The following NLRP6 variants were observed in gnomAD, a reference collection of about 807,000 sequenced individuals.
NLRP6 encodes the protein NLR family pyrin domain containing 6.
NLRP6 carries 55 observed loss-of-function variants against 70.9 expected under a neutral mutation model. The observed-to-expected ratio is 0.78, with a 90% confidence interval of 0.62 to 0.97. The LOEUF is 0.97. NLRP6 is among the 50% of genes least tolerant of loss of function. The pLI, the probability that NLRP6 is intolerant of heterozygous loss-of-function variation, is 0.00. For missense variants in NLRP6, 1,241 were observed against 1,238.3 expected (o/e 1.00, Z -0.03); for synonymous variants, 652 against 581.9 (o/e 1.12, Z -1.73).
chr11:284,780 C>A, intron 7 of NLRP6, 138 bp downstream of exon 7: 1 of 827,966 alleles, frequency 1.2e-6, no homozygotes, highest in Non-Finnish European at 1.9e-6. Flanking sequence ...CAAACACTGA[C>A]CTGGGAGCCC....
Position 278,678 on chromosome 11 carries a change from C to T in NLRP6, c.29+80C>T. Reference sequence around the variant, plus strand: ...GGCCTCCACCTCACCCGCTGACTTCCTCAGGCTCTCCACCCTTGTCCACAT... The same window carrying T: ...GGCCTCCACCTCACCCGCTGACTTCTTCAGGCTCTCCACCCTTGTCCACAT... On this transcript the variant is annotated intron_variant, in intron 1 of 7. Coordinates refer to ENST00000534750, the MANE Select transcript of NLRP6 (RefSeq NM_001276700.2). The surrounding 1 kb of genome is among the most constrained non-coding windows in gnomAD (Gnocchi z 4.7). 8.7e-7 allele frequency: 1 copy of T among 1,145,376 alleles called. No individual in the cohort carries two copies. The highest frequency in any genetic ancestry group is 1.2e-6 in the Non-Finnish European group (1 of 805,700). 71.0% of individuals were successfully genotyped at this position (1,145,376 alleles called of 1,614,324 possible).
At position 282,813 on chromosome 11, in the gene NLRP6, C is replaced by T. The variant is rs12365552; in HGVS notation, c.2198+16C>T. On this transcript the variant is annotated intron_variant, in intron 5 of 7. Transcript: ENST00000534750. Reference sequence around the variant, plus strand: ...GCAGCCTCACGTGAGTGGCCACACCCCCAGCTCTTCCCACGGAGCGGGCTG... The same window carrying T: ...GCAGCCTCACGTGAGTGGCCACACCTCCAGCTCTTCCCACGGAGCGGGCTG... 3.5e-3 allele frequency: 5,537 copies of T among 1,562,830 alleles called. 12 individuals are homozygous for T. The highest frequency in any genetic ancestry group is 4.6e-3 in the Non-Finnish European group (5,190 of 1,133,576).
At position 279,618 on chromosome 11, in the gene NLRP6, C is replaced by T; in HGVS notation, c.310+11C>T. On this transcript the variant is annotated intron_variant, in intron 2 of 7. Coordinates refer to ENST00000534750, the MANE Select transcript of NLRP6 (RefSeq NM_001276700.2). Reference sequence around the variant, plus strand: ...AGCGGCGGCTGCAGCGTGAGTTCTGCGCGGGAGGTCCCTCCTGTCTGGGCA... The same window carrying T: ...AGCGGCGGCTGCAGCGTGAGTTCTGTGCGGGAGGTCCCTCCTGTCTGGGCA... The T allele has an allele frequency of 2.2e-6, 3 of 1,393,428 alleles. No individual in the cohort carries two copies. The South Asian group carries it at 4.7e-5, about 22-fold the overall frequency. The allele number at this position is 1,393,428 out of a possible 1,614,324, so 86.3% of individuals were successfully genotyped here. A position where few individuals can be genotyped will look rare whatever the true frequency, so the allele number is the denominator to read the frequency against.
chr11:282,940 C>T (rs573279149), intron 5 of NLRP6, 143 bp downstream of exon 5: 8 of 693,420 alleles, frequency 1.2e-5, no homozygotes, highest in Non-Finnish European at 1.8e-5. Context: ...ATGGCAGGCT[C>T]TGCCCACACA....
Position 282,893 on chromosome 11 carries a change from G to T in NLRP6, c.2198+96G>T, listed in dbSNP as rs1845499090. 9.9e-6 allele frequency: 9 copies of T among 907,642 alleles called. No homozygotes were observed. The Admixed American group carries it at 1.1e-4, about 11-fold the overall frequency. The allele number at this position is 907,642 out of a possible 1,614,324, so 56.2% of individuals were successfully genotyped here. A position where few individuals can be genotyped will look rare whatever the true frequency, so the allele number is the denominator to read the frequency against. ...GTATGACCTAGGAAAGAAGGCTGAGGGGTCAGACCAGAGCCTGAGGCCTGT... is the reference window on the plus strand; with the variant it reads ...GTATGACCTAGGAAAGAAGGCTGAGTGGTCAGACCAGAGCCTGAGGCCTGT... On this transcript the variant is annotated intron_variant, in intron 5 of 7. Coordinates refer to ENST00000534750, the MANE Select transcript of NLRP6 (RefSeq NM_001276700.2).
chr11:279,002 C>A, intron 1 of NLRP6: 1 of 353,052 alleles, frequency 2.8e-6, no homozygotes, highest in Non-Finnish European at 5.1e-6. Flanking sequence ...GTGACCTGTC[C>A]TGGGGTGTGG....
rs750292480 is a variant in NLRP6 at position 280,672 on chromosome 11, G to A, written c.938G>A (p.Ser313Asn). ...GCGCGGGTGCTAGGCGGGCTGCTGA[G>A]CAAGGCGCTGCTGCCCACGGCCCTC... is the stretch of plus-strand genomic sequence containing the variant. ...SGARVLGGLL[S>N]KALLPTALLL... Residue 313 changes from serine (S) to asparagine (N), a missense_variant, in exon 4 of 8, where the codon AGC (serine) becomes AAC (asparagine). By Grantham distance (46) the Ser-to-Asn change is conservative (BLOSUM62 1). Coordinates refer to ENST00000534750, the MANE Select transcript of NLRP6 (RefSeq NM_001276700.2). The A allele has an allele frequency of 1.7e-5, 27 of 1,550,168 alleles. No individual in the cohort carries two copies. In the South Asian group the frequency reaches 3.0e-4, roughly 17 times the overall value.
Position 280,814 on chromosome 11 carries a change from G to C in NLRP6, c.1080G>C (p.Lys360Asn). The C allele has an allele frequency of 6.2e-7, 1 of 1,612,966 alleles. No individual in the cohort carries two copies. The highest frequency in any genetic ancestry group is 8.5e-7 in the Non-Finnish European group (1 of 1,179,840). ...SDKDKKKYFY[K>N]YFRDERRAER... ...AGGACAAGAAGAAGTATTTCTACAAGTATTTCCGGGATGAGAGGAGGGCCG... is the reference window on the plus strand; with the variant it reads ...AGGACAAGAAGAAGTATTTCTACAACTATTTCCGGGATGAGAGGAGGGCCG... The change falls in exon 4 of 8, where the codon AAG becomes AAC. Residue 360 changes from lysine (K) to asparagine (N), a missense_variant. Physicochemically the swap from Lys to Asn is moderately conservative, Grantham distance 94 (BLOSUM62 0). Coordinates refer to ENST00000534750, the MANE Select transcript of NLRP6 (RefSeq NM_001276700.2).
In NLRP6 at chr11:281,822, C is replaced by G. The variant is rs1845484710; in HGVS notation, c.2088C>G (p.Ala696=). ...AGAGCCTGGGGAAGCGGCTCCAGGC[C>G]AGCCTGGGTGGCGGCAGGTGCGTCT... The part of the protein sequence containing the change: ...KKKSLGKRLQ[A]SLGGGSSQGT... Residue 696 remains alanine (A), a synonymous_variant, in exon 4 of 8, where the codon GCC becomes GCG. Coordinates refer to ENST00000534750, the MANE Select transcript of NLRP6 (RefSeq NM_001276700.2). 6.3e-7 allele frequency: 1 copy of G among 1,580,998 alleles called. No homozygotes were observed. Among genetic ancestry groups the G allele is most frequent in the Non-Finnish European group, 8.6e-7 (1 of 1,167,814 alleles).
chr11:278,752 C>T lies in NLRP6; in HGVS notation c.29+154C>T, dbSNP rs138362284. On this transcript the variant is annotated intron_variant, in intron 1 of 7. Transcript: ENST00000534750. This position sits in a 1 kb window ranked among gnomAD's most constrained non-coding sequence, Gnocchi z 4.7. ...GCTCAGGAGCCAAGCACTGCCTCCCCACAGAGGGCATTTGTGGAGTCTGTT... is the reference window on the plus strand; with the variant it reads ...GCTCAGGAGCCAAGCACTGCCTCCCTACAGAGGGCATTTGTGGAGTCTGTT... Among the ~76,000 whole-genome samples, 480 of 152,328 alleles carry T rather than the reference C, an allele frequency of 3.2e-3. 1 individual carries two copies. The highest frequency in any genetic ancestry group is 0.011 in the African/African-American group (448 of 41,568).
chr11:282,788 GC>G lies in NLRP6; in HGVS notation c.2190del (p.Ser730ArgfsTer22). Reference sequence around the variant, plus strand: ...ATGACTGACCCACTGTGCCATCTGAGCAGCCTCACGTGAGTGGCCACACCCC... The same window carrying G: ...ATGACTGACCCACTGTGCCATCTGAGAGCCTCACGTGAGTGGCCACACCCC... ...QAMTDPLCHL[S>X]SLTLSHCKLP... is the part of the protein sequence containing the mutation. On this transcript the variant is annotated frameshift_variant, in exon 5 of 8. Coordinates refer to ENST00000534750, the MANE Select transcript of NLRP6 (RefSeq NM_001276700.2). LOFTEE classifies it high-confidence loss of function. 1.9e-6 allele frequency: 3 copies of G among 1,612,332 alleles called. No individual in the cohort carries two copies. Among genetic ancestry groups the G allele is most frequent in the Non-Finnish European group, 2.5e-6 (3 of 1,178,402 alleles).
chr11:285,337 T>C lies in NLRP6; in HGVS notation c.*33T>C, dbSNP rs201286420. The C allele has an allele frequency of 1.3e-5, 20 of 1,599,010 alleles. No individual in the cohort carries two copies. The East Asian group carries it at 3.6e-4, about 29-fold the overall frequency. ...GTGGCCAGAGCAGGGTGGAAGACCC[T>C]AGTCAAAGTCCCTGTGGAGAGAACG... is the stretch of plus-strand genomic sequence containing the variant. On this transcript the variant is annotated 3_prime_UTR_variant, in exon 8 of 8. Transcript: ENST00000534750.
chr11:280,220 G>T lies in NLRP6; in HGVS notation c.486G>T (p.Ala162=), dbSNP rs768137851. ...CCGAGAGCGCCGCCCCGGAGGAGGCGATGGGGCCCGCGGAAGAGCCTGAGC... is the reference window on the plus strand; with the variant it reads ...CCGAGAGCGCCGCCCCGGAGGAGGCTATGGGGCCCGCGGAAGAGCCTGAGC... ...IAPESAAPEE[A]MGPAEEPEPG... Residue 162 remains alanine, a synonymous_variant, in exon 4 of 8, where the codon GCG becomes GCT. Coordinates refer to ENST00000534750, the MANE Select transcript of NLRP6 (RefSeq NM_001276700.2). 1.3e-6 allele frequency: 2 copies of T among 1,545,618 alleles called. No individual in the cohort carries two copies. Among genetic ancestry groups the T allele is most frequent in the South Asian group, 1.2e-5 (1 of 83,870 alleles).
Position 281,575 on chromosome 11 carries a change from A to G in NLRP6, c.1841A>G (p.Glu614Gly). ...CCAGAGGAGGAGGAGGAGGGAGAGG[A>G]GCCCAACTACCCACTGGAGTTGCTG... ...EEPEEEEEGEEPNYPLELLYC... is the reference protein window; with the variant it reads ...EEPEEEEEGEGPNYPLELLYC... The change falls in exon 4 of 8, where the codon GAG becomes GGG. Residue 614 changes from glutamate to glycine, a missense_variant. Transcript: ENST00000534750. 6.2e-7 allele frequency: 1 copy of G among 1,611,360 alleles called. No individual in the cohort carries two copies. Among genetic ancestry groups the G allele is most frequent in the Non-Finnish European group, 8.5e-7 (1 of 1,178,884 alleles).
Position 284,103 on chromosome 11 carries a change from A to G in NLRP6, c.2199-127A>G, listed in dbSNP as rs969467195. 3 of 806,012 alleles carry G rather than the reference A, an allele frequency of 3.7e-6. No individual in the cohort carries two copies. In the African/African-American group the frequency reaches 5.1e-5, roughly 14 times the overall value. 49.9% of individuals were successfully genotyped at this position (806,012 alleles called of 1,614,324 possible). A position where few individuals can be genotyped will look rare whatever the true frequency, so the allele number is the denominator to read the frequency against. On this transcript the variant is annotated intron_variant, in intron 5 of 7. Coordinates refer to ENST00000534750, the MANE Select transcript of NLRP6 (RefSeq NM_001276700.2). ...AGGGCAGGCTCTGCGAGGTCCAGGG[A>G]AGGATGTGGCACCAACACATCTCTC...
At chr11:282,036 C>T (rs1222124099) in intron 4 of NLRP6, among the ~76,000 whole-genome samples, 197 bp downstream of exon 4, 1 of 152,126 alleles carries the variant, frequency 6.6e-6, no homozygotes, top group East Asian at 1.9e-4. Context: ...CCTCACCATG[C>T]CCACCGTCAG....
At position 281,229 on chromosome 11, in the gene NLRP6, G is replaced by T; in HGVS notation, c.1495G>T (p.Asp499Tyr). Residue 499 changes from aspartate (D) to tyrosine (Y), a missense_variant, in exon 4 of 8, where the codon GAC (aspartate) becomes TAC (tyrosine). Transcript: ENST00000534750. The part of the protein sequence containing the change: ...LETEVTYQFI[D>Y]QSFQEFLAAL... The stretch of plus-strand genomic sequence containing the variant: ...GACAGAGGTCACCTACCAGTTCATC[G>T]ACCAGAGCTTCCAGGAGTTCCTCGC... 1 of 1,613,220 alleles carries T rather than the reference G, an allele frequency of 6.2e-7. No individual in the cohort carries two copies. Among genetic ancestry groups the T allele is most frequent in the South Asian group, 1.1e-5 (1 of 91,072 alleles).
Position 280,772 on chromosome 11 carries a change from G to A in NLRP6, c.1038G>A (p.Val346=). 1 of 1,611,532 alleles carries A rather than the reference G, an allele frequency of 6.2e-7. No homozygotes were observed. Among genetic ancestry groups the A allele is most frequent in the Non-Finnish European group, 8.5e-7 (1 of 1,179,112 alleles). ...TGTGTTCCCCGCAGTGCGCCGAGGT[G>A]CGCGGCTTCTCCGACAAGGACAAGA... ...GRLCSPQCAE[V]RGFSDKDKKK... Residue 346 remains valine (V), a synonymous_variant, in exon 4 of 8, where the codon GTG becomes GTA. Coordinates refer to ENST00000534750, the MANE Select transcript of NLRP6 (RefSeq NM_001276700.2).
intron 5 of NLRP6, among the ~76,000 whole-genome samples, chr11:283,364 A>G (rs1249344361): frequency 4.6e-5 from 6 of 130,108 alleles, no homozygotes; most frequent in African/African-American, 1.2e-4. Context: ...CCCAGGCTGG[A>G]GTGCAGTGGT....
Sources: allele counts gnomAD v4.1 joint callset (sites outside exome capture counted in the v4.1 genomes callset), GRCh38; gene constraint gnomAD v4.1.1; non-coding constraint Gnocchi (gnomAD v3.1); transcripts MANE v1.5; gene names NCBI Gene and HGNC (gene_info 2026-07-23, HGNC 2026-07-21).